Variants in NRXN1 observed in about 807,000 individuals in gnomAD.
NRXN1 encodes the protein neurexin-1.
A neutral mutation model predicts 150.9 loss-of-function variants in NRXN1; 39 were observed. That is an observed-to-expected ratio of 0.26 (90% CI 0.20 to 0.34). The LOEUF is 0.34. NRXN1 is among the 10% of genes least tolerant of loss of function. The pLI is 1.00. For missense variants in NRXN1, 1,815 were observed against 1,949.9 expected (o/e 0.93, Z 1.30); for synonymous variants, 924 against 757.0 (o/e 1.22, Z -3.62).
At chr2:50,301,034 T>G (rs913410493) in intron 17 of NRXN1, among the ~76,000 whole-genome samples, 1 of 152,050 alleles carries the variant, frequency 6.6e-6, no homozygotes, top group African/African-American at 2.4e-5. Flanking sequence ...GGATGCCTCA[T>G]AGGGTTAGTG....
Position 50,264,194 on chromosome 2 carries a change from A to T in NRXN1, c.3365-27224T>A, listed in dbSNP as rs537741961. Among the ~76,000 whole-genome samples, 5 of 152,240 alleles carry T rather than the reference A, an allele frequency of 3.3e-5. No homozygotes were observed. In the South Asian group the frequency reaches 1.0e-3, roughly 32 times the overall value. ...GTTTTTCAATAAGATGTGTATTTATATATTTTCCTTAAAGAAAAACAGTGA... is the reference window on the plus strand; with the variant it reads ...GTTTTTCAATAAGATGTGTATTTATTTATTTTCCTTAAAGAAAAACAGTGA... On this transcript the variant is annotated intron_variant, in intron 17 of 22. Transcript: ENST00000401669.
chr2:50,936,095 C>T (rs1008014393), intron 2 of NRXN1, among the ~76,000 whole-genome samples: 8 of 152,132 alleles, frequency 5.3e-5, no homozygotes, highest in African/African-American at 1.9e-4. Context: ...AACATTTAAT[C>T]CATATGTCCC....
chr2:50,577,503 C>A (rs530536121), intron 8 of NRXN1, among the ~76,000 whole-genome samples: 1 of 152,052 alleles, frequency 6.6e-6, no homozygotes, highest in African/African-American at 2.4e-5. Context: ...ATATGGAATT[C>A]CAGTTTTTCT....
At chr2:50,471,117 A>G (rs898098657) in intron 16 of NRXN1, among the ~76,000 whole-genome samples, 10 of 151,564 alleles carry the variant, frequency 6.6e-5, no homozygotes, top group African/African-American at 2.4e-4. Context: ...TTTTAATTTC[A>G]GTAGCTTTAG....
At chr2:50,428,236 G>A (rs2084661146) in intron 17 of NRXN1, among the ~76,000 whole-genome samples, 1 of 152,038 alleles carries the variant, frequency 6.6e-6, no homozygotes, top group Non-Finnish European at 1.5e-5. Context: ...AACACAGCAA[G>A]ACCCCCGTCT....
At chr2:49,953,065 C>A (rs750029859) in intron 21 of NRXN1, among the ~76,000 whole-genome samples, 1 of 152,150 alleles carries the variant, frequency 6.6e-6, no homozygotes, top group Non-Finnish European at 1.5e-5. Flanking sequence ...TTATAAAAAA[C>A]ATTTCTCTGC....
Position 50,055,061 on chromosome 2 carries a change from G to C in NRXN1, c.3719-17C>G, listed in dbSNP as rs777952276. On this transcript the variant is annotated splice_polypyrimidine_tract_variant and intron_variant, in intron 19 of 22. Coordinates refer to ENST00000401669, the MANE Select transcript of NRXN1 (RefSeq NM_001330078.2). ...CATTGTTTCCTTTAAAGTTTAAAGA[G>C]ACATTTCATTGGTTAAAATCTGTAA... 7.8e-6 allele frequency: 12 copies of C among 1,545,662 alleles called. No homozygotes were observed. The highest frequency in any genetic ancestry group is 8.8e-7 in the Non-Finnish European group (1 of 1,135,556).
rs17040792 is a variant in NRXN1 at position 50,529,463 on chromosome 2, G to A, written c.2348-812C>T. Among the ~76,000 whole-genome samples, 491 of 152,268 alleles carry A rather than the reference G, an allele frequency of 3.2e-3. 3 individuals carry two copies. The highest frequency in any genetic ancestry group is 0.011 in the African/African-American group (474 of 41,558). ...TATAAGAACAGAACGTCTTGTATGG[G>A]TAACACAAACTGTAATTATAGTGGT... On this transcript the variant is annotated intron_variant, in intron 11 of 22. Coordinates refer to ENST00000401669, the MANE Select transcript of NRXN1 (RefSeq NM_001330078.2).
chr2:50,351,481 G>T (rs2078407750), intron 17 of NRXN1, among the ~76,000 whole-genome samples: 1 of 152,142 alleles, frequency 6.6e-6, no homozygotes, highest in South Asian at 2.1e-4. Flanking sequence ...TTGTTAATTG[G>T]TCCAACGAAA....
At chr2:50,449,017 A>C (rs886722471) in intron 17 of NRXN1, among the ~76,000 whole-genome samples, 1 of 152,220 alleles carries the variant, frequency 6.6e-6, no homozygotes, top group African/African-American at 2.4e-5. Flanking sequence ...AACGAAGCAG[A>C]GTTTGCCAAG....
intron 5 of NRXN1, among the ~76,000 whole-genome samples, chr2:50,696,944 T>C (rs551783760): frequency 2.0e-5 from 3 of 152,264 alleles, no homozygotes; most frequent in South Asian, 4.1e-4. Flanking sequence ...ACCAGTGGCA[T>C]TGTTAATTTC....
At position 50,236,858 on chromosome 2, in the gene NRXN1, A is replaced by T; in HGVS notation, c.3477T>A (p.Val1159=). The T allele has an allele frequency of 5.6e-6, 9 of 1,613,318 alleles. No individual in the cohort carries two copies. The highest frequency in any genetic ancestry group is 7.6e-6 in the Non-Finnish European group (9 of 1,179,634). ...CTCGCACCAATACGGCTTCTTTCTG[A>T]ACAGTGCTAAAACCTATGGCCAGTC... ...ADRLAIGFST[V]QKEAVLVRVD... is the part of the protein sequence containing the mutation. Residue 1159 remains valine, a synonymous_variant, in exon 18 of 23, where the codon GTT becomes GTA. Transcript: ENST00000401669.
chr2:50,095,383 T>C (rs1303484856), intron 18 of NRXN1, among the ~76,000 whole-genome samples: 1 of 152,224 alleles, frequency 6.6e-6, no homozygotes, highest in Non-Finnish European at 1.5e-5. Context: ...ACTCTAGGGT[T>C]GCCCATTGTT....
intron 12 of NRXN1, among the ~76,000 whole-genome samples, chr2:50,524,809 A>G (rs1394468754): frequency 6.6e-6 from 1 of 152,174 alleles, no homozygotes; most frequent in African/African-American, 2.4e-5. Flanking sequence ...AGAAGAAGAG[A>G]GAAAGAAAAA....
intron 21 of NRXN1, among the ~76,000 whole-genome samples, chr2:49,951,502 A>C (rs1007600212): frequency 1.3e-5 from 2 of 151,944 alleles, no homozygotes; most frequent in Admixed American, 1.3e-4. Flanking sequence ...CTCACTAATT[A>C]GAATTTGAGA....
rs1347583874 is a variant in NRXN1, at chr2:50,620,024, CTTT to C, written c.1315_1317del (p.Lys439del). 6.3e-7 allele frequency: 1 copy of C among 1,596,290 alleles called. No homozygotes were observed. Among genetic ancestry groups the C allele is most frequent in the Non-Finnish European group, 8.5e-7 (1 of 1,170,412 alleles). On this transcript the variant is annotated inframe_deletion, in exon 8 of 23. Coordinates refer to ENST00000401669, the MANE Select transcript of NRXN1 (RefSeq NM_001330078.2). ...ATTCTGATGGCAACGATATTTACCTCTTTGAGACAGCCCATAAAGTTGTTACTG... is the reference window on the plus strand; with the variant it reads ...ATTCTGATGGCAACGATATTTACCTCGAGACAGCCCATAAAGTTGTTACTG...
chr2:50,635,684 C>G (rs992260489), intron 5 of NRXN1, among the ~76,000 whole-genome samples: 1 of 152,140 alleles, frequency 6.6e-6, no homozygotes, highest in East Asian at 1.9e-4. Context: ...AAAAGCTAAC[C>G]TCTTCATTAA....
At chr2:50,628,711 C>A (rs1294395762) in intron 5 of NRXN1, among the ~76,000 whole-genome samples, 1 of 151,522 alleles carries the variant, frequency 6.6e-6, no homozygotes, top group African/African-American at 2.4e-5. Context: ...TGCATTTCTA[C>A]TATGTGCTAA....
chr2:50,076,377 T>C (rs1697108564), intron 19 of NRXN1, among the ~76,000 whole-genome samples: 1 of 148,404 alleles, frequency 6.7e-6, no homozygotes, highest in Non-Finnish European at 1.5e-5. Flanking sequence ...ACTAATAATA[T>C]AGTGGAATTA....
Sources: gnomAD v4.1 joint callset for allele counts (sites outside exome capture counted in the v4.1 genomes callset) on GRCh38, gnomAD v4.1.1 for gene constraint, MANE v1.5 for transcripts, NCBI Gene and HGNC (gene_info 2026-07-23, HGNC 2026-07-21) for gene names.